Variants in DDHD1 observed in about 807,000 individuals in gnomAD.
DDHD1 encodes the protein phospholipase DDHD1.
In DDHD1, 49 loss-of-function variants were observed where a neutral mutation model predicts 96.4. The observed-to-expected ratio is 0.51, with a 90% confidence interval of 0.40 to 0.64. The LOEUF is 0.64. Among genes scored for constraint, DDHD1 ranks in the 30% least tolerant of loss-of-function variants. DDHD1 has a pLI of 0.00. For missense variants in DDHD1, 1,106 were observed against 1,161.2 expected (o/e 0.95, Z 0.69); for synonymous variants, 442 against 446.5 (o/e 0.99, Z 0.13).
chr14:53,098,747 A>C (rs1887078313), intron 2 of DDHD1, among the ~76,000 whole-genome samples: 1 of 152,084 alleles, frequency 6.6e-6, no homozygotes, highest in Non-Finnish European at 1.5e-5. Context: ...TTATTCAGCT[A>C]CAGTGATAGG....
Position 53,038,292 on chromosome 14 carries a change from C to G in DDHD1, c.*8476G>C, listed in dbSNP as rs1170471115. 6.6e-6 allele frequency: 1 copy of G among 152,104 alleles called. No individual in the cohort carries two copies. The highest frequency in any genetic ancestry group is 1.5e-5 in the Non-Finnish European group (1 of 68,012). The allele number at this position is 152,104 out of a possible 1,614,324, so 9.4% of individuals were successfully genotyped here. On this transcript the variant is annotated 3_prime_UTR_variant, in exon 13 of 13. Transcript: ENST00000673822. ...AACCCCGAAGACTCTGCCAAAAGCT[C>G]CTAGACTGATAAACAACTTTAGTCA...
In DDHD1 at chr14:53,073,822, C is replaced by T; in HGVS notation, c.1315G>A (p.Glu439Lys). The change falls in exon 5 of 13, where the codon GAA becomes AAA. Residue 439 changes from glutamate (E) to lysine (K), a missense_variant. Glu to Lys is a moderately conservative substitution (Grantham distance 56). Transcript: ENST00000673822. ...GCATGGTTGGAAAAATGCCTTTCTT[C>T]TATTTTTCTTGCAGCTTCTCTCATC... ...AMMREAARKI[E>K]ERHFSNHATH... 6.2e-7 allele frequency: 1 copy of T among 1,610,884 alleles called. No individual in the cohort carries two copies. The highest frequency in any genetic ancestry group is 8.5e-7 in the Non-Finnish European group (1 of 1,178,132).
At chr14:53,136,838 T>A (rs1890272338) in intron 1 of DDHD1, among the ~76,000 whole-genome samples, 1 of 152,134 alleles carries the variant, frequency 6.6e-6, no homozygotes, top group African/African-American at 2.4e-5. Context: ...TCCATTAGAA[T>A]AAAACCCAAA....
chr14:53,143,727 G>C (rs1566606468), intron 1 of DDHD1, among the ~76,000 whole-genome samples: 2 of 152,220 alleles, frequency 1.3e-5, no homozygotes, highest in African/African-American at 2.4e-5. Flanking sequence ...GCTTGGACCA[G>C]TATAAGCATG....
chr14:53,092,049 TGGG>T (rs1886473280), intron 3 of DDHD1, 117 bp from the exon 4 acceptor site: 1 of 964,746 alleles, frequency 1.0e-6, no homozygotes, highest in Non-Finnish European at 1.5e-6. Context: ...TCACTGGCTG[TGGG>T]GGAGGAAATA....
At chr14:53,050,146 G>A in intron 12 of DDHD1, among the ~76,000 whole-genome samples, 1 of 152,176 alleles carries the variant, frequency 6.6e-6, no homozygotes, top group African/African-American at 2.4e-5. Flanking sequence ...CTTTCACCTG[G>A]AGAAATCATA....
At chr14:53,103,485 T>A (rs185327671) in intron 2 of DDHD1, 198 bp downstream of exon 2, 359 of 483,204 alleles carry the variant, frequency 7.4e-4, no homozygotes, top group Non-Finnish European at 1.1e-3. Flanking sequence ...TTACCATACA[T>A]ATTAAAATAA....
chr14:53,078,642 A>G (rs575779920), intron 4 of DDHD1, among the ~76,000 whole-genome samples: 287 of 152,108 alleles, frequency 1.9e-3, no homozygotes, highest in African/African-American at 6.5e-3. Flanking sequence ...ATGTCATGTC[A>G]TTTGCAAACG....
At position 53,041,843 on chromosome 14, in the gene DDHD1, A is replaced by T. The variant is rs563855676; in HGVS notation, c.*4925T>A. 6.6e-6 allele frequency: 1 copy of T among 152,198 alleles called. No individual in the cohort carries two copies. Among genetic ancestry groups the T allele is most frequent in the Non-Finnish European group, 1.5e-5 (1 of 68,006 alleles). The allele number at this position is 152,198 out of a possible 1,614,324, so 9.4% of individuals were successfully genotyped here. On this transcript the variant is annotated 3_prime_UTR_variant, in exon 13 of 13. Transcript: ENST00000673822. ...CCATGTGTCAGATTAAAGCTTGCTG[A>T]TGCTTTAATCTGAGCTTAAAGCATC...
rs73296180 is a variant in DDHD1 at position 53,152,651 on chromosome 14, C to A, written c.448G>T (p.Gly150Cys). The A allele has an allele frequency of 3.2e-3, 5,183 of 1,613,028 alleles. 140 individuals are homozygous for A. In the African/African-American group the frequency reaches 0.059, roughly 18 times the overall value. Residue 150 changes from glycine (G) to cysteine (C), a missense_variant, in exon 1 of 13, where the codon GGC becomes TGC. Gly to Cys is a radical substitution (Grantham distance 159). Transcript: ENST00000673822. ...TCATAGCGGTGCCGGGCCGCCGGGC[C>A]GCCAAGCCGGGTACGTTTCCTTTCC... ...PGERKRTRLGGPAARHRYEVV... is the reference protein window; with the variant it reads ...PGERKRTRLGCPAARHRYEVV...
chr14:53,098,139 CTATT>C (rs1595171096), intron 2 of DDHD1, among the ~76,000 whole-genome samples: 1 of 151,878 alleles, frequency 6.6e-6, no homozygotes, highest in African/African-American at 2.4e-5. Flanking sequence ...CCAGAAAGCA[CTATT>C]TAATTTTCTT....
chr14:53,042,672 G>A lies in DDHD1; in HGVS notation c.*4096C>T, dbSNP rs1444421238. ...GACCTTTGAGATTCTTATGTTTTAA[G>A]TTCAGCCAGAGTACCATCAGATTCC... On this transcript the variant is annotated 3_prime_UTR_variant, in exon 13 of 13. Transcript: ENST00000673822. The A allele has an allele frequency of 6.6e-6, 1 of 152,164 alleles. No individual in the cohort carries two copies. The highest frequency in any genetic ancestry group is 1.5e-5 in the Non-Finnish European group (1 of 68,040). The allele number at this position is 152,164 out of a possible 1,614,324, so 9.4% of individuals were successfully genotyped here. A position where few individuals can be genotyped will look rare whatever the true frequency, so the allele number is the denominator to read the frequency against.
At chr14:53,051,115 A>C (rs1176331931) in intron 12 of DDHD1, among the ~76,000 whole-genome samples, 1 of 151,676 alleles carries the variant, frequency 6.6e-6, no homozygotes, top group African/African-American at 2.4e-5. Flanking sequence ...AAGAAACTGT[A>C]AAATGAGATT....
intron 1 of DDHD1, among the ~76,000 whole-genome samples, chr14:53,108,934 A>G (rs1163532446): frequency 1.3e-5 from 2 of 152,298 alleles, no homozygotes; most frequent in East Asian, 3.9e-4. Flanking sequence ...CAACTGAAAC[A>G]CTTTCTTTCA....
intron 1 of DDHD1, among the ~76,000 whole-genome samples, chr14:53,150,525 C>T (rs1203199235): frequency 2.0e-5 from 3 of 152,196 alleles, no homozygotes; most frequent in Non-Finnish European, 4.4e-5. Context: ...ACCACGCAGG[C>T]ATTAACAATT....
At chr14:53,128,508 T>A (rs1179047439) in intron 1 of DDHD1, among the ~76,000 whole-genome samples, 1 of 152,214 alleles carries the variant, frequency 6.6e-6, no homozygotes, top group Non-Finnish European at 1.5e-5. Flanking sequence ...CTCTGCCGTA[T>A]GACCTTATCA....
intron 1 of DDHD1, among the ~76,000 whole-genome samples, chr14:53,135,666 C>T (rs182050564): frequency 2.0e-5 from 3 of 152,332 alleles, no homozygotes; most frequent in Admixed American, 2.0e-4. Flanking sequence ...TATGTAAGCA[C>T]TGGGTTGTGC....
intron 2 of DDHD1, among the ~76,000 whole-genome samples, chr14:53,095,801 G>A (rs984742111): frequency 1.5e-4 from 23 of 152,112 alleles, no homozygotes; most frequent in African/African-American, 5.6e-4. Context: ...ATAGTTGTGA[G>A]CAACAGATGC....
At chr14:53,075,549 T>C (rs1884883607) in intron 4 of DDHD1, among the ~76,000 whole-genome samples, 1 of 152,152 alleles carries the variant, frequency 6.6e-6, no homozygotes, top group Non-Finnish European at 1.5e-5. Flanking sequence ...AACATAAAAG[T>C]GCGAGGTAAG....
Sources: allele counts gnomAD v4.1 joint callset (sites outside exome capture counted in the v4.1 genomes callset), GRCh38; gene constraint gnomAD v4.1.1; transcripts MANE v1.5; gene names NCBI Gene and HGNC (gene_info 2026-07-23, HGNC 2026-07-21).